EPAS1: variants seen among roughly 807,000 people sequenced by gnomAD.
EPAS1 encodes endothelial PAS domain-containing protein 1.
Under a neutral mutation model 87.9 loss-of-function variants are expected in EPAS1, and 23 were observed. That is an observed-to-expected ratio of 0.26 (90% CI 0.19 to 0.37). EPAS1 has a LOEUF of 0.37. Ranked by LOEUF, EPAS1 falls within the 10% of genes least tolerant of loss-of-function variation. The probability of loss-of-function intolerance (pLI) is 1.00; values close to 1 mark genes in which losing one functional copy is unlikely to be tolerated. For missense variants in EPAS1, 1,138 were observed against 1,120.7 expected (o/e 1.02, Z -0.22); for synonymous variants, 508 against 444.3 (o/e 1.14, Z -1.80).
intron 1 of EPAS1, among the ~76,000 whole-genome samples, chr2:46,344,729 A>G (rs1683986193): frequency 1.3e-5 from 2 of 152,212 alleles, no homozygotes; most frequent in Admixed American, 1.3e-4. Context: ...AGAGGGAAAC[A>G]GGGATTAGAT....
At chr2:46,298,958 G>C (rs938809311) in intron 1 of EPAS1, among the ~76,000 whole-genome samples, 3 of 152,228 alleles carry the variant, frequency 2.0e-5, no homozygotes, top group Non-Finnish European at 4.4e-5. Context: ...CCCCGCGCTT[G>C]GCCGCGGCTT....
At chr2:46,301,361 G>A (rs1268802970) in intron 1 of EPAS1, among the ~76,000 whole-genome samples, 2 of 152,086 alleles carry the variant, frequency 1.3e-5, no homozygotes. Context: ...GATCACCTGA[G>A]GTCAGGAGTT....
Position 46,375,531 on chromosome 2 carries a change from A to AG in EPAS1, c.887-158dup, listed in dbSNP as rs1262178773. 2.4e-6 allele frequency: 2 copies of AG among 819,582 alleles called. No individual in the cohort carries two copies. The highest frequency in any genetic ancestry group is 4.2e-5 in the Admixed American group (2 of 47,220). The allele number at this position is 819,582 out of a possible 1,614,324, so 50.8% of individuals were successfully genotyped here. Reference sequence around the variant, plus strand: ...GAAGAGTTGGCTGAGGTGATCCCTAAGCTCCCTCCCAGGTCACTCTCCCTG... The same window carrying AG: ...GAAGAGTTGGCTGAGGTGATCCCTAAGGCTCCCTCCCAGGTCACTCTCCCTG... On this transcript the variant is annotated intron_variant, in intron 7 of 15. Transcript: ENST00000263734. The surrounding 1 kb of genome is among the most constrained non-coding windows in gnomAD (Gnocchi z 4.1).
At chr2:46,362,119 C>G (rs559762646) in intron 6 of EPAS1, among the ~76,000 whole-genome samples, 1 of 152,340 alleles carries the variant, frequency 6.6e-6, no homozygotes, top group South Asian at 2.1e-4. Flanking sequence ...CCTCAGCTTT[C>G]TGCAGCATCT....
At chr2:46,364,800 T>C (rs1251944801) in intron 6 of EPAS1, among the ~76,000 whole-genome samples, 1 of 152,196 alleles carries the variant, frequency 6.6e-6, no homozygotes, top group Non-Finnish European at 1.5e-5. Context: ...GGCAATATAC[T>C]CTGTTTCCCG....
At chr2:46,369,442 G>C (rs1429366389) in intron 6 of EPAS1, among the ~76,000 whole-genome samples, 1 of 152,234 alleles carries the variant, frequency 6.6e-6, no homozygotes, top group Non-Finnish European at 1.5e-5. Flanking sequence ...CACCTGTGTA[G>C]GCATCGAGCA....
chr2:46,337,178 T>C (rs78075037), intron 1 of EPAS1, among the ~76,000 whole-genome samples: 4,291 of 152,268 alleles, frequency 0.028, 206 homozygotes, highest in African/African-American at 0.099. Flanking sequence ...AAAGAACAGG[T>C]GTGGGGTTCT....
At chr2:46,341,266 C>T (rs1683906883) in intron 1 of EPAS1, among the ~76,000 whole-genome samples, 2 of 152,198 alleles carry the variant, frequency 1.3e-5, no homozygotes, top group Admixed American at 6.5e-5. Flanking sequence ...ATCAAACAAC[C>T]ACAATCCATC....
At chr2:46,356,518 G>A (rs894240725) in intron 3 of EPAS1, among the ~76,000 whole-genome samples, 2 of 152,088 alleles carry the variant, frequency 1.3e-5, no homozygotes, top group Non-Finnish European at 2.9e-5. Flanking sequence ...GCTCTCTACT[G>A]ACTCATTAAC....
intron 7 of EPAS1, among the ~76,000 whole-genome samples, chr2:46,372,549 G>C (rs1332212951): frequency 6.6e-6 from 1 of 152,218 alleles, no homozygotes; most frequent in African/African-American, 2.4e-5. Context: ...TTTATACACT[G>C]TTACTCTGGG....
At chr2:46,363,582 G>A (rs765620042) in intron 6 of EPAS1, among the ~76,000 whole-genome samples, 3 of 152,178 alleles carry the variant, frequency 2.0e-5, no homozygotes, top group Non-Finnish European at 2.9e-5. Flanking sequence ...GGAATTGGAT[G>A]TCTAAATGTG....
intron 1 of EPAS1, among the ~76,000 whole-genome samples, chr2:46,305,253 C>T (rs559914436): frequency 9.8e-5 from 15 of 152,310 alleles, no homozygotes; most frequent in African/African-American, 3.6e-4. Context: ...TGTGAGATAC[C>T]TGGAGCTGAA....
chr2:46,385,187 GTTT>G lies in EPAS1; in HGVS notation c.*538_*540del, dbSNP rs75932330. 1.3e-3 allele frequency: 202 copies of G among 149,708 alleles called. No homozygotes were observed. The highest frequency in any genetic ancestry group is 2.2e-3 in the Admixed American group (33 of 15,172). The allele number at this position is 149,708 out of a possible 1,614,324, so 9.3% of individuals were successfully genotyped here. On this transcript the variant is annotated 3_prime_UTR_variant, in exon 16 of 16. Transcript: ENST00000263734. Reference sequence around the variant, plus strand: ...TAATCACCATATTGTAAATTTCAGGGTTTTTTTTTTTTTGTTTAAGCTGACTCT... The same window carrying G: ...TAATCACCATATTGTAAATTTCAGGGTTTTTTTTTTGTTTAAGCTGACTCT...
chr2:46,363,035 CAAG>C (rs1489647671), intron 6 of EPAS1, among the ~76,000 whole-genome samples: 1 of 147,212 alleles, frequency 6.8e-6, no homozygotes, highest in Non-Finnish European at 1.5e-5. Flanking sequence ...GATGGTGGTT[CAAG>C]AAGAAGATTG....
In EPAS1 at chr2:46,384,521, G is replaced by A. The variant is rs374829070; in HGVS notation, c.2474G>A (p.Arg825Gln). 21 of 1,614,054 alleles carry A rather than the reference G, an allele frequency of 1.3e-5. No homozygotes were observed. The highest frequency in any genetic ancestry group is 3.3e-5 in the Admixed American group (2 of 59,998). ...SAHKVSGMAS[R>Q]LLGPSFESYL... ...ACCCTTCTTTCAGGCATGGCAAGCC[G>A]GCTGCTCGGGCCCTCATTTGAGTCC... The change falls in exon 16 of 16, where the codon CGG becomes CAG. Residue 825 changes from arginine to glutamine, a missense_variant. Transcript: ENST00000263734.
chr2:46,343,641 G>T (rs1683953989), intron 1 of EPAS1, among the ~76,000 whole-genome samples: 1 of 152,186 alleles, frequency 6.6e-6, no homozygotes, highest in African/African-American at 2.4e-5. Context: ...ATTATTATTT[G>T]TCCTTTTAGG....
At chr2:46,343,049 G>A (rs562979625) in intron 1 of EPAS1, among the ~76,000 whole-genome samples, 3 of 151,864 alleles carry the variant, frequency 2.0e-5, no homozygotes, top group South Asian at 2.1e-4. Flanking sequence ...CTCCACCTGC[G>A]GCATAGATAG....
At chr2:46,338,925 G>A (rs1683852030) in intron 1 of EPAS1, among the ~76,000 whole-genome samples, 1 of 151,948 alleles carries the variant, frequency 6.6e-6, no homozygotes, top group Non-Finnish European at 1.5e-5. Flanking sequence ...GCTTTCATGG[G>A]GTGGGGGTGG....
chr2:46,316,424 C>G (rs1005233504), intron 1 of EPAS1, among the ~76,000 whole-genome samples: 3 of 152,130 alleles, frequency 2.0e-5, no homozygotes, highest in African/African-American at 4.8e-5. Flanking sequence ...CCACACCCAG[C>G]TAATTTTTGT....
Sources: gnomAD v4.1 joint callset for allele counts (sites outside exome capture counted in the v4.1 genomes callset) on GRCh38, gnomAD v4.1.1 for gene constraint, Gnocchi (gnomAD v3.1) non-coding constraint, MANE v1.5 for transcripts, NCBI Gene and HGNC (gene_info 2026-07-23, HGNC 2026-07-21) for gene names.